Variants in GEMIN6 observed in about 807,000 individuals in gnomAD.
The protein encoded by GEMIN6 is gem-associated protein 6.
In GEMIN6, 13 loss-of-function variants were observed where a neutral mutation model predicts 14.1. The ratio of observed to expected loss-of-function variants is 0.92; its 90% CI spans 0.60 to 1.46. GEMIN6 has a LOEUF of 1.46. Ranked by LOEUF, GEMIN6 falls within the 40% of genes most tolerant of loss-of-function variation. GEMIN6 has a pLI of 0.00. For missense variants in GEMIN6, 271 were observed against 202.4 expected (o/e 1.34, Z -2.06); for synonymous variants, 87 against 70.0 (o/e 1.24, Z -1.21).
chr2:38,779,660 ATATATTTTTTTTTTTT>A (rs1435296915), intron 2 of GEMIN6, among the ~76,000 whole-genome samples: 6 of 28,230 alleles, frequency 2.1e-4, no homozygotes, highest in African/African-American at 6.5e-4. Context: ...ATATATATAT[ATATATTTTTTTTTTTT>A]TTTTTTTTTT....
chr2:38,778,557 C>T (rs1390367841), intron 1 of GEMIN6, among the ~76,000 whole-genome samples: 1 of 152,104 alleles, frequency 6.6e-6, no homozygotes, highest in Non-Finnish European at 1.5e-5. Flanking sequence ...GTGGGGTGAA[C>T]TCCTTTGATC....
At position 38,782,018 on chromosome 2, in the gene GEMIN6, T is replaced by C. The variant is rs1385575724; in HGVS notation, c.*126T>C. The C allele has an allele frequency of 1.0e-6, 1 of 1,002,704 alleles. No homozygotes were observed. The highest frequency in any genetic ancestry group is 2.8e-5 in the Admixed American group (1 of 36,056). 62.1% of individuals were successfully genotyped at this position (1,002,704 alleles called of 1,614,324 possible). A position where few individuals can be genotyped will look rare whatever the true frequency, so the allele number is the denominator to read the frequency against. ...GTGTGTGTATAATTCTTTGTTGTTTTGGTAAAATCAGAGGAGTGGGTTATA... is the reference window on the plus strand; with the variant it reads ...GTGTGTGTATAATTCTTTGTTGTTTCGGTAAAATCAGAGGAGTGGGTTATA... On this transcript the variant is annotated 3_prime_UTR_variant, in exon 3 of 3. Coordinates refer to ENST00000281950, the MANE Select transcript of GEMIN6 (RefSeq NM_024775.10).
Position 38,781,883 on chromosome 2 carries a change from T to A in GEMIN6, c.495T>A (p.Ala165=), listed in dbSNP as rs149539286. 1.9e-3 allele frequency: 3,053 copies of A among 1,602,910 alleles called. 47 individuals carry two copies. The highest frequency in any genetic ancestry group is 2.8e-3 in the East Asian group (126 of 44,690). The change falls in exon 3 of 3, where the codon GCT becomes GCA. Residue 165 remains alanine (A), a synonymous_variant. Transcript: ENST00000281950. The part of the protein sequence containing the change: ...VQDLIEGHLT[A]SQ ...ATCTTATTGAAGGACATCTTACAGC[T>A]TCCCAATGAGAGGCCAGGAAGTGTG...
rs905978224 is a variant in GEMIN6 at position 38,781,804 on chromosome 2, A to G, written c.416A>G (p.Tyr139Cys). The G allele has an allele frequency of 1.9e-6, 3 of 1,614,140 alleles. No individual in the cohort carries two copies. Among genetic ancestry groups the G allele is most frequent in the Non-Finnish European group, 2.5e-6 (3 of 1,180,018 alleles). ...VAGVLTIDPPYGPENCSSSNE... is the reference protein window; with the variant it reads ...VAGVLTIDPPCGPENCSSSNE... ...GGGGTCCTGACTATAGACCCACCATATGGTCCAGAAAATTGCAGCAGCTCT... is the reference window on the plus strand; with the variant it reads ...GGGGTCCTGACTATAGACCCACCATGTGGTCCAGAAAATTGCAGCAGCTCT... The change falls in exon 3 of 3, where the codon TAT becomes TGT. Residue 139 changes from tyrosine (Y) to cysteine (C), a missense_variant. Tyr to Cys is a radical substitution (Grantham distance 194, BLOSUM62 -2). Coordinates refer to ENST00000281950, the MANE Select transcript of GEMIN6 (RefSeq NM_024775.10).
chr2:38,780,075 T>G (rs1392393149), intron 2 of GEMIN6, among the ~76,000 whole-genome samples: 2 of 150,848 alleles, frequency 1.3e-5, no homozygotes, highest in African/African-American at 4.9e-5. Flanking sequence ...TCCCAGCACT[T>G]TGGGAGGCCG....
chr2:38,781,763 G>A lies in GEMIN6; in HGVS notation c.375G>A (p.Arg125=). Residue 125 remains arginine, a synonymous_variant, in exon 3 of 3, where the codon AGG becomes AGA. Coordinates refer to ENST00000281950, the MANE Select transcript of GEMIN6 (RefSeq NM_024775.10). ...TCACTGAACAGGGAGACGCTCCAAG[G>A]ACTCTCTGTGTGGCTGGGGTCCTGA... is the stretch of plus-strand genomic sequence containing the variant. ...IPITEQGDAP[R]TLCVAGVLTI... is the part of the protein sequence containing the mutation. 6.2e-7 allele frequency: 1 copy of A among 1,614,144 alleles called. No individual in the cohort carries two copies. The highest frequency in any genetic ancestry group is 1.1e-5 in the South Asian group (1 of 91,074).
intron 2 of GEMIN6, among the ~76,000 whole-genome samples, chr2:38,780,108 G>C (rs1292268171): frequency 6.6e-6 from 1 of 151,402 alleles, no homozygotes; most frequent in Non-Finnish European, 1.5e-5. Context: ...CACGAGGTCA[G>C]GAGATCGAGA....
rs1669140360 is a variant in GEMIN6, at chr2:38,783,621, C to T, written c.*1729C>T. ...GGAATATAGGTGTGAGCTGCCATGT[C>T]CAGCTGTAAGAAATATTTTAAAATA... On this transcript the variant is annotated 3_prime_UTR_variant, in exon 3 of 3. Transcript: ENST00000281950. 2 of 151,832 alleles carry T rather than the reference C, an allele frequency of 1.3e-5. No homozygotes were observed. Among genetic ancestry groups the T allele is most frequent in the Admixed American group, 1.3e-4 (2 of 15,202 alleles). 9.4% of individuals were successfully genotyped at this position (151,832 alleles called of 1,614,324 possible).
intron 2 of GEMIN6, among the ~76,000 whole-genome samples, chr2:38,779,682 T>A (rs1433683274): frequency 6.3e-4 from 68 of 108,612 alleles, no homozygotes; most frequent in African/African-American, 2.4e-3. Context: ...TTTTTTTTTT[T>A]TTTTTTTTTC....
At chr2:38,781,327 T>G (rs970686795) in intron 2 of GEMIN6, among the ~76,000 whole-genome samples, 190 bp from the exon 3 acceptor site, 3 of 152,326 alleles carry the variant, frequency 2.0e-5, no homozygotes, top group South Asian at 2.1e-4. Flanking sequence ...ATCCTTTAAC[T>G]GTATCCCACA....
In GEMIN6 at chr2:38,781,572, G is replaced by C; in HGVS notation, c.184G>C (p.Gly62Arg). ...DGSMSVTGIM[G>R]HAVQTVETMN... ...CAGCATGTCTGTGACCGGAATTATG[G>C]GACATGCTGTGCAGACTGTTGAAAC... The change falls in exon 3 of 3, where the codon GGA becomes CGA. Residue 62 changes from glycine to arginine, a missense_variant. Transcript: ENST00000281950. The C allele has an allele frequency of 6.2e-7, 1 of 1,613,868 alleles. No individual in the cohort carries two copies. Among genetic ancestry groups the C allele is most frequent in the Non-Finnish European group, 8.5e-7 (1 of 1,179,902 alleles).
intron 2 of GEMIN6, among the ~76,000 whole-genome samples, chr2:38,780,524 G>C (rs1191231583): frequency 6.7e-6 from 1 of 149,406 alleles, no homozygotes; most frequent in African/African-American, 2.5e-5. Flanking sequence ...ATTTTTAGTA[G>C]AGATGGGGTT....
Position 38,781,927 on chromosome 2 carries a change from G to T in GEMIN6, c.*35G>T. On this transcript the variant is annotated 3_prime_UTR_variant, in exon 3 of 3. Transcript: ENST00000281950. The stretch of plus-strand genomic sequence containing the variant: ...AAGTGTGAACATACTGATAGAAAAA[G>T]ACTATATTTTATCCCTCATAAAATG... 1 of 1,546,226 alleles carries T rather than the reference G, an allele frequency of 6.5e-7. No homozygotes were observed.
Position 38,779,212 on chromosome 2 carries a change from AATT to A in GEMIN6, c.128+99_128+101del, listed in dbSNP as rs376643648. On this transcript the variant is annotated intron_variant, in intron 2 of 2. Coordinates refer to ENST00000281950, the MANE Select transcript of GEMIN6 (RefSeq NM_024775.10). ...TAAGAAAGCAGATAAATGAAAAGCT[AATT>A]ATTAATATTTTCATATAAGAATTTT... 1.3e-3 allele frequency: 1,659 copies of A among 1,262,152 alleles called. 19 individuals are homozygous for A. In the African/African-American group the frequency reaches 0.023, roughly 17 times the overall value. The allele number at this position is 1,262,152 out of a possible 1,614,324, so 78.2% of individuals were successfully genotyped here. A position where few individuals can be genotyped will look rare whatever the true frequency, so the allele number is the denominator to read the frequency against.
chr2:38,780,952 AAAG>A, intron 2 of GEMIN6, among the ~76,000 whole-genome samples: 1 of 137,148 alleles, frequency 7.3e-6, no homozygotes, highest in South Asian at 2.3e-4. Context: ...TTTAACTCTA[AAAG>A]TTAAGTCTAC....
chr2:38,779,042 A>G lies in GEMIN6; in HGVS notation c.52A>G (p.Lys18Glu). 6.2e-7 allele frequency: 1 copy of G among 1,613,958 alleles called. No individual in the cohort carries two copies. Among genetic ancestry groups the G allele is most frequent in the Non-Finnish European group, 8.5e-7 (1 of 1,179,890 alleles). Residue 18 changes from lysine to glutamate, a missense_variant, in exon 2 of 3, where the codon AAA becomes GAA. Coordinates refer to ENST00000281950, the MANE Select transcript of GEMIN6 (RefSeq NM_024775.10). ...CTTAGAATGGCAAGATTACATTTAC[A>G]AAGAGGTCCGAGTGACAGCCAGTGA... ...GPLEWQDYIY[K>E]EVRVTASEKN... is the part of the protein sequence containing the mutation.
At position 38,779,132 on chromosome 2, in the gene GEMIN6, C is replaced by T; in HGVS notation, c.128+14C>T. 6.2e-7 allele frequency: 1 copy of T among 1,603,652 alleles called. No individual in the cohort carries two copies. The highest frequency in any genetic ancestry group is 8.5e-7 in the Non-Finnish European group (1 of 1,175,204). On this transcript the variant is annotated intron_variant, in intron 2 of 2. Transcript: ENST00000281950. The stretch of plus-strand genomic sequence containing the variant: ...AGTCTCTGCCAAGTGAGTATGCATC[C>T]TACTTGCCTGAAATCTTGACACCCC...
At chr2:38,779,315 C>T (rs1222807414) in intron 2 of GEMIN6, 197 bp downstream of exon 2, 3 of 565,602 alleles carry the variant, frequency 5.3e-6, no homozygotes, top group African/African-American at 3.9e-5. Context: ...TTTGTAACCT[C>T]CACCTCGCAG....
intron 1 of GEMIN6, among the ~76,000 whole-genome samples, chr2:38,778,564 G>A (rs1383443668): frequency 6.6e-6 from 1 of 152,144 alleles, no homozygotes; most frequent in African/African-American, 2.4e-5. Flanking sequence ...GAACTCCTTT[G>A]ATCGATGGAA....
Sources: gnomAD v4.1 joint callset for allele counts (sites outside exome capture counted in the v4.1 genomes callset) on GRCh38, gnomAD v4.1.1 for gene constraint, MANE v1.5 for transcripts, NCBI Gene and HGNC (gene_info 2026-07-23, HGNC 2026-07-21) for gene names.